DLGAP2: variants seen among roughly 807,000 people sequenced by gnomAD.
The protein encoded by DLGAP2 is DLG associated protein 2, also known as disks large-associated protein 2.
A neutral mutation model predicts 100.3 loss-of-function variants in DLGAP2; 26 were observed. That is an observed-to-expected ratio of 0.26 (90% CI 0.19 to 0.36). The LOEUF (loss-of-function observed/expected upper bound fraction) is 0.36, where lower values mean the gene tolerates loss of function less well. DLGAP2 is among the 10% of genes least tolerant of loss of function. The pLI, the probability that DLGAP2 is intolerant of heterozygous loss-of-function variation, is 1.00. For missense variants in DLGAP2, 1,858 were observed against 1,453.2 expected, an observed-to-expected ratio of 1.28 and a Z score of -4.53; for synonymous variants, 886 against 630.1, an observed-to-expected ratio of 1.41 and a Z score of -6.08.
intron 2 of DLGAP2, among the ~76,000 whole-genome samples, chr8:1,072,240 C>G (rs1267628273): frequency 1.3e-5 from 2 of 152,132 alleles, no homozygotes; most frequent in Non-Finnish European, 2.9e-5. Flanking sequence ...TGATGGTGTT[C>G]AGATGCAGGG....
chr8:1,682,122 G>C (rs1006456699), intron 12 of DLGAP2, among the ~76,000 whole-genome samples: 1 of 152,200 alleles, frequency 6.6e-6, no homozygotes, highest in Non-Finnish European at 1.5e-5. Flanking sequence ...TCAGACAAGG[G>C]TGTGTCCCAT....
rs187586711 is a variant in DLGAP2 at position 1,091,725 on chromosome 8, T to C, written c.74-167126T>C. On this transcript the variant is annotated intron_variant, in intron 2 of 14. Transcript: ENST00000637795. ...GGGTGGACGTCTGGGTTGTTGACGT[T>C]GCGTGTCTCCCGTGGAAGCTGCAGC... Among the ~76,000 whole-genome samples, 5 of 152,270 alleles carry C rather than the reference T, an allele frequency of 3.3e-5. No individual in the cohort carries two copies. In the East Asian group the frequency reaches 9.7e-4, roughly 29 times the overall value.
At chr8:1,671,330 C>T (rs1231392500) in intron 10 of DLGAP2, among the ~76,000 whole-genome samples, 2 of 152,240 alleles carry the variant, frequency 1.3e-5, no homozygotes, top group South Asian at 2.1e-4. Context: ...AGCCCGTGTT[C>T]CACCAGCATT....
At chr8:751,732 C>T (rs972274992) in intron 1 of DLGAP2, among the ~76,000 whole-genome samples, 1 of 152,032 alleles carries the variant, frequency 6.6e-6, no homozygotes, top group Non-Finnish European at 1.5e-5. Context: ...CATAGTAAGT[C>T]CTTATAGGAA....
In DLGAP2 at chr8:1,470,722, G is replaced by A. The variant is rs75714969; in HGVS notation, c.107-30644G>A. On this transcript the variant is annotated intron_variant, in intron 3 of 14. Transcript: ENST00000637795. ...GATATTCCATGATGAAGGCATCACC[G>A]ACCACGGCCTCCCCTTCCCCGACTC... Among the ~76,000 whole-genome samples the A allele has an allele frequency of 1.3e-3, 170 of 135,446 alleles. 4 individuals are homozygous for A. The East Asian group carries it at 0.021, about 17-fold the overall frequency. 88.9% of individuals were successfully genotyped at this position (135,446 alleles called of 152,430 possible).
At chr8:1,664,996 CTGTT>C (rs940579902) in intron 8 of DLGAP2, among the ~76,000 whole-genome samples, 16 of 152,128 alleles carry the variant, frequency 1.1e-4, no homozygotes, top group African/African-American at 3.9e-4. Context: ...CCTTCTTAAT[CTGTT>C]TGTTTTAAAA....
chr8:1,163,331 G>C (rs1032614294), intron 2 of DLGAP2, among the ~76,000 whole-genome samples: 2 of 152,202 alleles, frequency 1.3e-5, no homozygotes, highest in African/African-American at 2.4e-5. Flanking sequence ...GCCTGCTGCC[G>C]GCCTTCCCGG....
chr8:1,214,826 C>A (rs1021169679), intron 2 of DLGAP2, among the ~76,000 whole-genome samples: 1 of 152,244 alleles, frequency 6.6e-6, no homozygotes, highest in African/African-American at 2.4e-5. Context: ...ACATAACATT[C>A]TTTAATGAAT....
intron 2 of DLGAP2, among the ~76,000 whole-genome samples, chr8:1,230,611 C>G (rs1343467806): frequency 6.6e-6 from 1 of 152,170 alleles, no homozygotes; most frequent in East Asian, 1.9e-4. Flanking sequence ...TCAAACTGTA[C>G]TATAAACCTA....
At position 1,292,870 on chromosome 8, in the gene DLGAP2, A is replaced by G. The variant is rs542032054; in HGVS notation, c.106+33987A>G. ...ATCCCAAGCCTACGCTGCCTCCTCCAGCAACAGTGCCCACCCCGTGCGTGG... is the reference window on the plus strand; with the variant it reads ...ATCCCAAGCCTACGCTGCCTCCTCCGGCAACAGTGCCCACCCCGTGCGTGG... On this transcript the variant is annotated intron_variant, in intron 3 of 14. Coordinates refer to ENST00000637795, the MANE Select transcript of DLGAP2 (RefSeq NM_001346810.2). 6.6e-5 allele frequency among the ~76,000 whole-genome samples: 10 copies of G among 152,110 alleles called. No homozygotes were observed. In the South Asian group the frequency reaches 1.7e-3, roughly 25 times the overall value.
chr8:1,330,559 C>T (rs570051869), intron 3 of DLGAP2, among the ~76,000 whole-genome samples: 1 of 134,122 alleles, frequency 7.5e-6, no homozygotes, highest in Admixed American at 7.9e-5. Flanking sequence ...AGCACCGCTT[C>T]ACAGGGACTG....
chr8:1,697,069 C>A (rs999157027), intron 13 of DLGAP2, 78 bp from the exon 14 acceptor site: 10 of 1,362,052 alleles, frequency 7.3e-6, no homozygotes, highest in Admixed American at 3.3e-5. Flanking sequence ...GAAAGGCATG[C>A]GTGGGGAGGA....
intron 10 of DLGAP2, among the ~76,000 whole-genome samples, chr8:1,671,480 C>G (rs1798688757): frequency 6.6e-6 from 1 of 152,238 alleles, no homozygotes; most frequent in Non-Finnish European, 1.5e-5. Context: ...AGCTCACGCC[C>G]TCTGTGAGTC....
chr8:1,637,897 G>T (rs1797805813), intron 8 of DLGAP2, among the ~76,000 whole-genome samples: 1 of 152,200 alleles, frequency 6.6e-6, no homozygotes, highest in Non-Finnish European at 1.5e-5. Flanking sequence ...CGTCCGGGAG[G>T]CCTTCCGCCT....
intron 4 of DLGAP2, among the ~76,000 whole-genome samples, chr8:1,534,659 G>A (rs780283895): frequency 1.3e-5 from 2 of 152,088 alleles, no homozygotes; most frequent in Non-Finnish European, 2.9e-5. Flanking sequence ...TTTTAAAGAT[G>A]TTTCTTAAAG....
chr8:754,877 G>A (rs1239113914), intron 1 of DLGAP2, among the ~76,000 whole-genome samples: 2 of 152,202 alleles, frequency 1.3e-5, no homozygotes, highest in Non-Finnish European at 2.9e-5. Context: ...GAAGCAAGCA[G>A]TGTGCTGTTG....
At chr8:1,172,486 C>G (rs1332991443) in intron 2 of DLGAP2, among the ~76,000 whole-genome samples, 2 of 152,198 alleles carry the variant, frequency 1.3e-5, no homozygotes, top group South Asian at 2.1e-4. Context: ...TGTTTTCCAA[C>G]TTGGTTCTGT....
intron 1 of DLGAP2, among the ~76,000 whole-genome samples, chr8:868,693 C>T (rs1354551599): frequency 2.0e-5 from 3 of 152,176 alleles, no homozygotes; most frequent in East Asian, 1.9e-4. Context: ...CTGGTGTGGG[C>T]TTTGGTGTGT....
chr8:824,689 A>G (rs1215496756), intron 1 of DLGAP2, among the ~76,000 whole-genome samples: 1 of 152,024 alleles, frequency 6.6e-6, no homozygotes, highest in Non-Finnish European at 1.5e-5. Flanking sequence ...ATCCTCTGCA[A>G]GCTTTGTCTG....
Sources: gnomAD v4.1 joint callset for allele counts (sites outside exome capture counted in the v4.1 genomes callset) on GRCh38, gnomAD v4.1.1 for gene constraint, MANE v1.5 for transcripts, NCBI Gene and HGNC (gene_info 2026-07-23, HGNC 2026-07-21) for gene names.